Variants in ZSCAN4 observed in about 807,000 individuals in gnomAD.
ZSCAN4 encodes zinc finger and SCAN domain containing 4.
In ZSCAN4, 18 loss-of-function variants were observed where a neutral mutation model predicts 18.3. The observed-to-expected ratio is 0.98, with a 90% confidence interval of 0.68 to 1.46. The LOEUF is 1.46. ZSCAN4 is among the 40% of genes most tolerant of loss of function. The probability of loss-of-function intolerance (pLI) is 0.00; values close to 1 mark genes in which losing one functional copy is unlikely to be tolerated. For missense variants in ZSCAN4, 498 were observed against 511.4 expected, an observed-to-expected ratio of 0.97 and a Z score of 0.25; for synonymous variants, 193 against 180.3, an observed-to-expected ratio of 1.07 and a Z score of -0.57.
At chr19:57,656,176 T>G in the ZSCAN4 span, among the ~76,000 whole-genome samples, 2 of 152,176 alleles carry the variant, frequency 1.3e-5, no homozygotes, top group African/African-American at 4.8e-5. Flanking sequence ...GCCACCATTA[T>G]CCATTGCAAT....
chr19:57,656,072 A>T, the ZSCAN4 span, among the ~76,000 whole-genome samples: 1 of 152,088 alleles, frequency 6.6e-6, no homozygotes, highest in South Asian at 2.1e-4. Flanking sequence ...CCTTAATCTC[A>T]CAGGAAAGAG....
intron 2 of ZSCAN4, among the ~76,000 whole-genome samples, chr19:57,673,796 T>C (rs1600007174): frequency 6.6e-6 from 1 of 152,124 alleles, no homozygotes; most frequent in Non-Finnish European, 1.5e-5. Context: ...CTGTGTTGCC[T>C]AAGCTGAAGT....
At chr19:57,658,616 C>T in the ZSCAN4 span, among the ~76,000 whole-genome samples, 15 of 152,002 alleles carry the variant, frequency 9.9e-5, no homozygotes, top group East Asian at 7.7e-4. Flanking sequence ...GGTAGATCAC[C>T]TGAGATCAGG....
chr19:57,665,907 C>T (rs1433753189), upstream of ZSCAN4, among the ~76,000 whole-genome samples: 2 of 151,994 alleles, frequency 1.3e-5, no homozygotes, highest in Admixed American at 6.6e-5. Context: ...AGTGAAACTC[C>T]GTCTCAATAA....
chr19:57,651,666 G>T, the ZSCAN4 span, among the ~76,000 whole-genome samples: 3 of 152,184 alleles, frequency 2.0e-5, no homozygotes, highest in African/African-American at 7.2e-5. Flanking sequence ...CCGGGACGAC[G>T]CTTGGGTTCA....
exon 3 of ZSCAN4, chr19:57,676,347 A>G: frequency 6.2e-7 from 1 of 1,614,200 alleles, no homozygotes; most frequent in East Asian, 2.2e-5. Flanking sequence ...ACTTTATAGG[A>G]TCTTTCACTC....
intron 2 of ZSCAN4, 142 bp from the exon 3 acceptor site, chr19:57,675,899 A>T (rs1984165285): frequency 2.7e-6 from 1 of 372,440 alleles, no homozygotes; most frequent in Non-Finnish European, 4.8e-6. Context: ...GCTTCCTCTT[A>T]TATGCTCTGG....
At chr19:57,670,735 T>C (rs940037999) in intron 2 of ZSCAN4, among the ~76,000 whole-genome samples, 168 bp downstream of exon 2, 1 of 152,150 alleles carries the variant, frequency 6.6e-6, no homozygotes, top group Non-Finnish European at 1.5e-5. Context: ...GTCTCCCAGG[T>C]GTAGGGAATG....
At chr19:57,668,490 T>A (rs1314878924), upstream of ZSCAN4, among the ~76,000 whole-genome samples, 1 of 152,164 alleles carries the variant, frequency 6.6e-6, no homozygotes, top group Non-Finnish European at 1.5e-5. Context: ...ATTCAAACTC[T>A]GTACCCAACA....
the ZSCAN4 span, among the ~76,000 whole-genome samples, chr19:57,661,368 C>T: frequency 6.6e-6 from 1 of 152,112 alleles, no homozygotes; most frequent in Non-Finnish European, 1.5e-5. Context: ...GCTTGACTTA[C>T]TGCTGAGTAA....
chr19:57,655,441 C>A, the ZSCAN4 span, among the ~76,000 whole-genome samples: 24 of 152,300 alleles, frequency 1.6e-4, no homozygotes, highest in African/African-American at 5.3e-4. Flanking sequence ...TTCAGCGGTA[C>A]CCCACAAGCC....
At chr19:57,663,520 T>TAAAAAAAAAAAAAAAAAAA in the ZSCAN4 span, among the ~76,000 whole-genome samples, 14 of 66,572 alleles carry the variant, frequency 2.1e-4, no homozygotes, top group African/African-American at 8.4e-4. Flanking sequence ...ACCATGTCTC[T>TAAAAAAAAAAAAAAAAAAA]AAAAAAAAAA....
chr19:57,654,723 T>G, the ZSCAN4 span, among the ~76,000 whole-genome samples: 1 of 152,190 alleles, frequency 6.6e-6, no homozygotes, highest in Non-Finnish European at 1.5e-5. Context: ...CTCATTTATC[T>G]GTATTGGACT....
At chr19:57,655,971 G>C in the ZSCAN4 span, among the ~76,000 whole-genome samples, 4 of 151,852 alleles carry the variant, frequency 2.6e-5, no homozygotes, top group African/African-American at 9.7e-5. Context: ...AGAATTAGTC[G>C]ACCTAACTAG....
chr19:57,670,958 C>A (rs1283718278), intron 2 of ZSCAN4, among the ~76,000 whole-genome samples: 1 of 151,858 alleles, frequency 6.6e-6, no homozygotes, highest in Non-Finnish European at 1.5e-5. Flanking sequence ...CCTCCCCAGG[C>A]TCAAGTGATC....
the ZSCAN4 span, among the ~76,000 whole-genome samples, chr19:57,657,052 C>G: frequency 6.6e-6 from 1 of 152,102 alleles, no homozygotes; most frequent in East Asian, 1.9e-4. Context: ...TCAACATCAG[C>G]CTGGCCAACA....
At chr19:57,673,316 C>T (rs1209059686) in intron 2 of ZSCAN4, among the ~76,000 whole-genome samples, 2 of 151,826 alleles carry the variant, frequency 1.3e-5, no homozygotes, top group East Asian at 1.9e-4. Flanking sequence ...CGCGAGTCAC[C>T]GTGCCCGGCC....
the ZSCAN4 span, among the ~76,000 whole-genome samples, chr19:57,654,680 A>G: frequency 6.6e-6 from 1 of 151,738 alleles, no homozygotes; most frequent in Non-Finnish European, 1.5e-5. Flanking sequence ...CAATCCCTAC[A>G]CTTTACTTTC....
chr19:57,654,657 A>T, the ZSCAN4 span, among the ~76,000 whole-genome samples: 1 of 152,070 alleles, frequency 6.6e-6, no homozygotes. Flanking sequence ...GTGCCCATCC[A>T]TCTGGTGGCC....
Sources: allele counts gnomAD v4.1 joint callset (sites outside exome capture counted in the v4.1 genomes callset), GRCh38; gene constraint gnomAD v4.1.1; transcripts MANE v1.5; gene names NCBI Gene and HGNC (gene_info 2026-07-23, HGNC 2026-07-21).